ENPP4: variants seen among roughly 807,000 people sequenced by gnomAD.
The protein encoded by ENPP4 is ectonucleotide pyrophosphatase/phosphodiesterase 4, also known as bis(5'-adenosyl)-triphosphatase ENPP4.
ENPP4 carries 18 observed loss-of-function variants against 33.4 expected under a neutral mutation model. That is an observed-to-expected ratio of 0.54 (90% CI 0.37 to 0.80). ENPP4 has a LOEUF of 0.80. Ranked by LOEUF, ENPP4 falls within the 30% of genes least tolerant of loss-of-function variation. The pLI, the probability that ENPP4 is intolerant of heterozygous loss-of-function variation, is 0.00. For missense variants in ENPP4, 480 were observed against 541.7 expected, an observed-to-expected ratio of 0.89 and a Z score of 1.13; for synonymous variants, 172 against 189.9, an observed-to-expected ratio of 0.91 and a Z score of 0.78.
At position 46,144,452 on chromosome 6, in the gene ENPP4, T is replaced by C. The variant is rs912312626; in HGVS notation, c.*812T>C. 5 of 152,110 alleles carry C rather than the reference T, an allele frequency of 3.3e-5. No homozygotes were observed. The East Asian group carries it at 9.7e-4, about 29-fold the overall frequency. The allele number at this position is 152,110 out of a possible 1,614,324, so 9.4% of individuals were successfully genotyped here. ...GTGTGGTTGTGTGGACATTATGTGATTTACTATATAAGGAGGTCAGAGATG... is the reference window on the plus strand; with the variant it reads ...GTGTGGTTGTGTGGACATTATGTGACTTACTATATAAGGAGGTCAGAGATG... On this transcript the variant is annotated 3_prime_UTR_variant, in exon 4 of 4. Transcript: ENST00000321037.
In ENPP4 at chr6:46,139,913, T is replaced by C. The variant is rs1764031361; in HGVS notation, c.330T>C (p.Pro110=). ...KHFSDSNDKD[P]FWWNEAVPIW... Reference sequence around the variant, plus strand: ...TTTCTGACTCTAATGACAAGGATCCTTTTTGGTGGAATGAGGCAGTACCTA... The same window carrying C: ...TTTCTGACTCTAATGACAAGGATCCCTTTTGGTGGAATGAGGCAGTACCTA... The change falls in exon 2 of 4, where the codon CCT becomes CCC. Residue 110 remains proline, a synonymous_variant. Transcript: ENST00000321037. 6.2e-7 allele frequency: 1 copy of C among 1,612,794 alleles called. No homozygotes were observed. The highest frequency in any genetic ancestry group is 1.3e-5 in the African/African-American group (1 of 74,926).
rs777316478 is a variant in ENPP4, at chr6:46,141,071, CAAACTGAA to C, written c.853_860del (p.Lys285Ter). 2 of 1,600,216 alleles carry C rather than the reference CAAACTGAA, an allele frequency of 1.2e-6. No homozygotes were observed. Among genetic ancestry groups the C allele is most frequent in the Non-Finnish European group, 1.7e-6 (2 of 1,172,600 alleles). ...TCTCAGATAGAACAGAGGTTTATAACAAACTGAAAAACTGTAGCCCTCATATGAATGTT... is the reference window on the plus strand; with the variant it reads ...TCTCAGATAGAACAGAGGTTTATAACAAACTGTAGCCCTCATATGAATGTT... On this transcript the variant is annotated frameshift_variant, in exon 3 of 4. Transcript: ENST00000321037. LOFTEE classifies it high-confidence loss of function.
chr6:46,133,875 A>G (rs571733134), intron 1 of ENPP4, among the ~76,000 whole-genome samples: 2 of 152,294 alleles, frequency 1.3e-5, no homozygotes, highest in East Asian at 3.9e-4. Context: ...GTGTTCTATC[A>G]GGAAGAGTTC....
intron 1 of ENPP4, among the ~76,000 whole-genome samples, chr6:46,137,312 C>T (rs1192949639): frequency 6.6e-6 from 1 of 151,744 alleles, no homozygotes; most frequent in Non-Finnish European, 1.5e-5. Context: ...ACTGTGCCGC[C>T]GTATTTGCTG....
intron 1 of ENPP4, among the ~76,000 whole-genome samples, chr6:46,135,822 A>G (rs1484602331): frequency 6.6e-6 from 1 of 151,952 alleles, no homozygotes; most frequent in Non-Finnish European, 1.5e-5. Context: ...TAGGTCTGTG[A>G]TCTACTTTGA....
At chr6:46,141,580 T>A (rs527563365) in intron 3 of ENPP4, among the ~76,000 whole-genome samples, 1 of 151,716 alleles carries the variant, frequency 6.6e-6, no homozygotes, top group African/African-American at 2.4e-5. Flanking sequence ...TTAAAAAAAA[T>A]TTGTCTGAGT....
chr6:46,141,212 A>G lies in ENPP4; in HGVS notation c.987A>G (p.Ser329=), dbSNP rs1764058164. 22 of 1,606,776 alleles carry G rather than the reference A, an allele frequency of 1.4e-5. No individual in the cohort carries two copies. Among genetic ancestry groups the G allele is most frequent in the Non-Finnish European group, 1.8e-5 (21 of 1,175,176 alleles). The stretch of plus-strand genomic sequence containing the variant: ...GCTGGACAATTGTGCTAAATGAATC[A>G]TCACAAAAATGTAAGTATTTAGTTG... ...DEGWTIVLNE[S]SQKLGDHGYD... The change falls in exon 3 of 4, where the codon TCA becomes TCG. Residue 329 remains serine, a synonymous_variant. Coordinates refer to ENST00000321037, the MANE Select transcript of ENPP4 (RefSeq NM_014936.5).
At position 46,143,610 on chromosome 6, in the gene ENPP4, A is replaced by T. The variant is rs764978672; in HGVS notation, c.1332A>T (p.Gln444His). The change falls in exon 4 of 4, where the codon CAA (glutamine) becomes CAT (histidine). Residue 444 changes from glutamine to histidine, a missense_variant. Gln to His is a conservative substitution (Grantham distance 24). Around this residue, in one of 3 missense-constraint regions of ENPP4, gnomAD observed 249 missense variants for 251.8 expected, o/e 0.99. Coordinates refer to ENST00000321037, the MANE Select transcript of ENPP4 (RefSeq NM_014936.5). ...VPRPFSRLQL[Q>H]EDDDDPLIG ...GTCCATTTTCTCGACTTCAGCTACA[A>T]GAAGATGATGATGATCCTTTAATTG... 6.2e-7 allele frequency: 1 copy of T among 1,611,654 alleles called. No individual in the cohort carries two copies. The highest frequency in any genetic ancestry group is 8.5e-7 in the Non-Finnish European group (1 of 1,178,370).
intron 1 of ENPP4, among the ~76,000 whole-genome samples, chr6:46,130,402 A>G (rs970509791): frequency 4.6e-5 from 7 of 152,180 alleles, no homozygotes; most frequent in African/African-American, 1.7e-4. Context: ...CAGGAAGGGA[A>G]GAGGAAAGAA....
rs776301078 is a variant in ENPP4 at position 46,140,081 on chromosome 6, T to C, written c.498T>C (p.Asn166=). The part of the protein sequence containing the change: ...SSVSFEERLN[N]ITMWLNNSNP... Reference sequence around the variant, plus strand: ...TGTCATTTGAGGAAAGACTAAATAATATTACTATGTGGCTAAACAATTCGA... The same window carrying C: ...TGTCATTTGAGGAAAGACTAAATAACATTACTATGTGGCTAAACAATTCGA... The change falls in exon 2 of 4, where the codon AAT becomes AAC. Residue 166 remains asparagine, a synonymous_variant. Transcript: ENST00000321037. The C allele has an allele frequency of 1.1e-5, 17 of 1,612,526 alleles. No individual in the cohort carries two copies. In the South Asian group the frequency reaches 1.9e-4, roughly 18 times the overall value.
At chr6:46,133,872 A>G (rs972753999) in intron 1 of ENPP4, among the ~76,000 whole-genome samples, 2 of 152,170 alleles carry the variant, frequency 1.3e-5, no homozygotes, top group African/African-American at 2.4e-5. Context: ...AAGGTGTTCT[A>G]TCAGGAAGAG....
At chr6:46,132,560 T>C (rs1763915829) in intron 1 of ENPP4, among the ~76,000 whole-genome samples, 1 of 152,246 alleles carries the variant, frequency 6.6e-6, no homozygotes, top group Admixed American at 6.5e-5. Flanking sequence ...TACTGTGGAC[T>C]TGTAGTATCG....
intron 1 of ENPP4, among the ~76,000 whole-genome samples, chr6:46,135,065 T>G (rs894705761): frequency 2.6e-5 from 4 of 152,164 alleles, no homozygotes; most frequent in African/African-American, 9.6e-5. Flanking sequence ...ATATATTACA[T>G]TTTATTTATC....
At chr6:46,136,242 T>C (rs1763972696) in intron 1 of ENPP4, among the ~76,000 whole-genome samples, 1 of 152,022 alleles carries the variant, frequency 6.6e-6, no homozygotes, top group African/African-American at 2.4e-5. Flanking sequence ...TATGCTCCTG[T>C]TTTGATTATT....
chr6:46,141,080 A>G lies in ENPP4; in HGVS notation c.855A>G (p.Lys285=), dbSNP rs1239936981. 1 of 1,603,706 alleles carries G rather than the reference A, an allele frequency of 6.2e-7. No individual in the cohort carries two copies. The highest frequency in any genetic ancestry group is 8.5e-7 in the Non-Finnish European group (1 of 1,174,584). Residue 285 remains lysine, a synonymous_variant, in exon 3 of 4, where the codon AAA becomes AAG. Coordinates refer to ENST00000321037, the MANE Select transcript of ENPP4 (RefSeq NM_014936.5). ...GAACAGAGGTTTATAACAAACTGAA[A>G]AACTGTAGCCCTCATATGAATGTTT... ...INRTEVYNKL[K]NCSPHMNVYL...
At chr6:46,132,534 A>G (rs1301148965) in intron 1 of ENPP4, among the ~76,000 whole-genome samples, 3 of 152,192 alleles carry the variant, frequency 2.0e-5, no homozygotes, top group East Asian at 1.9e-4. Context: ...TGGTACCAGT[A>G]CCATGCTGTT....
At chr6:46,140,800 G>T (rs570648813) in intron 2 of ENPP4, among the ~76,000 whole-genome samples, 1 of 151,688 alleles carries the variant, frequency 6.6e-6, no homozygotes, top group Admixed American at 6.6e-5. Flanking sequence ...AGATACACCT[G>T]AAAAATGTCC....
At position 46,139,592 on chromosome 6, in the gene ENPP4, A is replaced by G. The variant is rs1194355965; in HGVS notation, c.9A>G (p.Leu3=). 1 of 1,538,820 alleles carries G rather than the reference A, an allele frequency of 6.5e-7. No homozygotes were observed. Among genetic ancestry groups the G allele is most frequent in the Non-Finnish European group, 9.0e-7 (1 of 1,113,504 alleles). MK[L]LVILLFSGLI... ...CCTTCAACGTGTTCATTATGAAGTTATTAGTAATACTTTTGTTTTCTGGAC... is the reference window on the plus strand; with the variant it reads ...CCTTCAACGTGTTCATTATGAAGTTGTTAGTAATACTTTTGTTTTCTGGAC... Residue 3 remains leucine (L), a synonymous_variant, in exon 2 of 4, where the codon TTA becomes TTG. Transcript: ENST00000321037.
Position 46,140,159 on chromosome 6 carries a change from C to T in ENPP4, c.576C>T (p.Gly192=). The stretch of plus-strand genomic sequence containing the variant: ...ATTGGGAAGAACCAGATGCAAGTGG[C>T]CACAAATACGGACCTGAAGATAAAG... ...TLYWEEPDAS[G]HKYGPEDKEN... The change falls in exon 2 of 4, where the codon GGC becomes GGT. Residue 192 remains glycine (G), a synonymous_variant. Coordinates refer to ENST00000321037, the MANE Select transcript of ENPP4 (RefSeq NM_014936.5). 1.2e-6 allele frequency: 2 copies of T among 1,612,550 alleles called. No homozygotes were observed. The highest frequency in any genetic ancestry group is 8.5e-7 in the Non-Finnish European group (1 of 1,179,052).
Sources: gnomAD v4.1 joint callset for allele counts (sites outside exome capture counted in the v4.1 genomes callset) on GRCh38, gnomAD v4.1.1 for gene constraint, gnomAD v4.1.1 regional missense constraint, MANE v1.5 for transcripts, NCBI Gene and HGNC (gene_info 2026-07-23, HGNC 2026-07-21) for gene names.